Variants in ATG4C observed in about 807,000 individuals in gnomAD.
ATG4C encodes autophagy related 4C cysteine peptidase.
A neutral mutation model predicts 57.6 loss-of-function variants in ATG4C; 56 were observed. That is an observed-to-expected ratio of 0.97 (90% CI 0.78 to 1.21). The LOEUF (loss-of-function observed/expected upper bound fraction) is 1.21. Among genes scored for constraint, ATG4C ranks in the 50% most tolerant of loss-of-function variants. ATG4C has a pLI of 0.00. For missense variants in ATG4C, 595 were observed against 529.8 expected, an observed-to-expected ratio of 1.12 and a Z score of -1.21; for synonymous variants, 157 against 174.1, an observed-to-expected ratio of 0.90 and a Z score of 0.78.
At chr1:62,856,919 A>AC (rs2100364329) in intron 10 of ATG4C, among the ~76,000 whole-genome samples, 1 of 152,272 alleles carries the variant, frequency 6.6e-6, no homozygotes, top group South Asian at 2.1e-4. Context: ...AATTTGGCTT[A>AC]CAGGGACCTG....
In ATG4C at chr1:62,811,616, G is replaced by A. The variant is rs150828624; in HGVS notation, c.161-4959G>A. Among the ~76,000 whole-genome samples the A allele has an allele frequency of 5.2e-3, 790 of 152,036 alleles. 8 individuals are homozygous for A. Among genetic ancestry groups the A allele is most frequent in the African/African-American group, 0.018 (757 of 41,450 alleles). ...TATCACCTGGCTAGCATTTTTTCAG[G>A]GTTTCTCTTAGATGACCAGGACATG... On this transcript the variant is annotated intron_variant, in intron 3 of 10. Coordinates refer to ENST00000317868, the MANE Select transcript of ATG4C (RefSeq NM_032852.4).
intron 10 of ATG4C, among the ~76,000 whole-genome samples, chr1:62,858,228 T>C (rs544313589): frequency 6.6e-6 from 1 of 152,348 alleles, no homozygotes; most frequent in South Asian, 2.1e-4. Flanking sequence ...AATGTAAATG[T>C]TGTTGCCATT....
intron 10 of ATG4C, among the ~76,000 whole-genome samples, chr1:62,861,630 G>C (rs377425666): frequency 2.2e-5 from 3 of 135,156 alleles, no homozygotes; most frequent in Non-Finnish European, 4.9e-5. Flanking sequence ...CACACACAGA[G>C]AGACACAAAC....
intron 7 of ATG4C, among the ~76,000 whole-genome samples, chr1:62,832,081 CAGT>C (rs1027348600): frequency 6.6e-6 from 1 of 152,112 alleles, no homozygotes; most frequent in Non-Finnish European, 1.5e-5. Flanking sequence ...AGGGGGAAAA[CAGT>C]AGAATTCTTA....
chr1:62,830,982 C>A (rs1191309616), intron 7 of ATG4C, among the ~76,000 whole-genome samples: 2 of 152,056 alleles, frequency 1.3e-5, no homozygotes, highest in Admixed American at 1.3e-4. Context: ...AGTGATATAT[C>A]CAAATTCAGA....
chr1:62,789,290 A>G (rs772285494), intron 1 of ATG4C, among the ~76,000 whole-genome samples: 1 of 152,138 alleles, frequency 6.6e-6, no homozygotes, highest in Non-Finnish European at 1.5e-5. Flanking sequence ...ATAATTTGCT[A>G]CCATCATTCC....
chr1:62,864,426 A>G lies in ATG4C; in HGVS notation c.*267A>G, dbSNP rs949363119. ...CTAGTGATAATTCTACCTTAACTGT[A>G]AGCCTTTTAGTCTTCAAAGTCTTCC... On this transcript the variant is annotated 3_prime_UTR_variant, in exon 11 of 11. Transcript: ENST00000317868. 1 of 287,696 alleles carries G rather than the reference A, an allele frequency of 3.5e-6. No individual in the cohort carries two copies. The highest frequency in any genetic ancestry group is 2.3e-5 in the African/African-American group (1 of 43,176). 17.8% of individuals were successfully genotyped at this position (287,696 alleles called of 1,614,324 possible).
intron 6 of ATG4C, among the ~76,000 whole-genome samples, chr1:62,823,559 G>T (rs1033334629): frequency 2.0e-5 from 3 of 152,146 alleles, no homozygotes; most frequent in African/African-American, 7.2e-5. Flanking sequence ...CTGATCAAAA[G>T]AAACTGATCA....
chr1:62,804,774 A>G (rs1664803352), intron 2 of ATG4C, among the ~76,000 whole-genome samples: 1 of 152,240 alleles, frequency 6.6e-6, no homozygotes, highest in Non-Finnish European at 1.5e-5. Flanking sequence ...AATAAGTGTG[A>G]AAACAGAATT....
chr1:62,845,811 C>T (rs903215811), intron 10 of ATG4C, among the ~76,000 whole-genome samples: 1 of 152,110 alleles, frequency 6.6e-6, no homozygotes, highest in African/African-American at 2.4e-5. Flanking sequence ...AAGCAATTCT[C>T]CTGCCTCAGC....
intron 10 of ATG4C, among the ~76,000 whole-genome samples, chr1:62,860,225 T>C (rs1445984756): frequency 1.3e-5 from 2 of 152,318 alleles, no homozygotes; most frequent in Non-Finnish European, 2.9e-5. Flanking sequence ...TCTCCTATGA[T>C]AACAGTGCCT....
rs748541091 is a variant in ATG4C, at chr1:62,864,209, AATG to A, written c.*52_*54del. 119 of 1,442,286 alleles carry A rather than the reference AATG, an allele frequency of 8.3e-5. No individual in the cohort carries two copies. In the African/African-American group the frequency reaches 1.7e-3, roughly 20 times the overall value. The allele number at this position is 1,442,286 out of a possible 1,614,324, so 89.3% of individuals were successfully genotyped here. The stretch of plus-strand genomic sequence containing the variant: ...AGAAGAATTCCATTGAAAGGGGAAA[AATG>A]AAGAGAAACAAGTATATCTGAAATG... On this transcript the variant is annotated 3_prime_UTR_variant, in exon 11 of 11. Coordinates refer to ENST00000317868, the MANE Select transcript of ATG4C (RefSeq NM_032852.4).
intron 10 of ATG4C, among the ~76,000 whole-genome samples, chr1:62,846,013 A>G (rs1425979822): frequency 6.6e-6 from 1 of 152,112 alleles, no homozygotes; most frequent in Admixed American, 6.6e-5. Context: ...GGAAAGAGAG[A>G]GCTCACAGAC....
At position 62,816,745 on chromosome 1, in the gene ATG4C, T is replaced by A; in HGVS notation, c.331T>A (p.Cys111Ser). Residue 111 changes from cysteine to serine, a missense_variant, in exon 4 of 11, where the codon TGC (cysteine) becomes AGC (serine). Physicochemically the swap from Cys to Ser is moderately radical, Grantham distance 112. Transcript: ENST00000317868. ...SALTTDCGWGCTLRTGQMLLA... is the reference protein window; with the variant it reads ...SALTTDCGWGSTLRTGQMLLA... ...TTTGACAACAGACTGTGGGTGGGGC[T>A]GCACATTGAGAACTGGCCAGATGCT... 6.2e-7 allele frequency: 1 copy of A among 1,613,718 alleles called. No homozygotes were observed. The highest frequency in any genetic ancestry group is 1.7e-5 in the Admixed American group (1 of 59,948).
intron 9 of ATG4C, among the ~76,000 whole-genome samples, chr1:62,838,606 C>T (rs1026575695): frequency 1.3e-5 from 2 of 151,806 alleles, no homozygotes; most frequent in Non-Finnish European, 2.9e-5. Context: ...GGTGAAACCC[C>T]GTCTCTACTA....
intron 8 of ATG4C, 149 bp from the exon 9 acceptor site, chr1:62,834,627 G>A: frequency 1.6e-6 from 1 of 622,418 alleles, no homozygotes. Flanking sequence ...AATCTATCCT[G>A]TGCAAACCTA....
chr1:62,850,211 C>T (rs1238468091), intron 10 of ATG4C, among the ~76,000 whole-genome samples: 1 of 152,080 alleles, frequency 6.6e-6, no homozygotes, highest in African/African-American at 2.4e-5. Flanking sequence ...AACCCCATGT[C>T]GTATGCATCA....
At chr1:62,790,829 A>G (rs1664252650) in intron 1 of ATG4C, among the ~76,000 whole-genome samples, 1 of 152,182 alleles carries the variant, frequency 6.6e-6, no homozygotes. Context: ...CCATTTGTAA[A>G]CCAAAACAAT....
chr1:62,825,418 T>C (rs1175698719), intron 6 of ATG4C, among the ~76,000 whole-genome samples: 1 of 152,142 alleles, frequency 6.6e-6, no homozygotes, highest in Admixed American at 6.6e-5. Context: ...ACTTGATTTC[T>C]GGACACTACT....
Sources: allele counts gnomAD v4.1 joint callset (sites outside exome capture counted in the v4.1 genomes callset), GRCh38; gene constraint gnomAD v4.1.1; transcripts MANE v1.5; gene names NCBI Gene and HGNC (gene_info 2026-07-23, HGNC 2026-07-21).